The following GALNTL6 variants were observed in gnomAD, a reference collection of about 807,000 sequenced individuals.
GALNTL6 encodes the protein polypeptide N-acetylgalactosaminyltransferase like 6, also known as polypeptide N-acetylgalactosaminyltransferase-like 6.
GALNTL6 carries 46 observed loss-of-function variants against 73.7 expected under a neutral mutation model. The observed-to-expected ratio is 0.62, with a 90% CI of 0.49 to 0.80. The LOEUF is 0.80. Ranked by LOEUF, GALNTL6 falls within the 30% of genes least tolerant of loss-of-function variation. The pLI is 0.00. For synonymous variants in GALNTL6, 259 were observed against 263.7 expected, an observed-to-expected ratio of 0.98 and a Z score of 0.17; for missense variants, 604 against 755.0, an observed-to-expected ratio of 0.80 and a Z score of 2.34.
intron 8 of GALNTL6, among the ~76,000 whole-genome samples, chr4:172,927,679 C>A (rs1748129285): frequency 6.6e-6 from 1 of 152,002 alleles, no homozygotes; most frequent in Non-Finnish European, 1.5e-5. Flanking sequence ...GTTAAAACCC[C>A]AAGTAAAGGT....
At chr4:172,656,793 G>A (rs369011523) in intron 5 of GALNTL6, among the ~76,000 whole-genome samples, 7 of 152,138 alleles carry the variant, frequency 4.6e-5, no homozygotes, top group African/African-American at 9.7e-5. Flanking sequence ...CAGATATTTC[G>A]TCTTTTGAAA....
In GALNTL6 at chr4:172,133,278, A is replaced by G. The variant is rs191392726; in HGVS notation, c.139-96378A>G. On this transcript the variant is annotated intron_variant, in intron 2 of 12. Coordinates refer to ENST00000506823, the MANE Select transcript of GALNTL6 (RefSeq NM_001034845.3). Reference sequence around the variant, plus strand: ...ATAATGAGGTCATGATCCAGGAACTATGAATAGAGAATCCATAGAACTGGT... The same window carrying G: ...ATAATGAGGTCATGATCCAGGAACTGTGAATAGAGAATCCATAGAACTGGT... 2.0e-5 allele frequency among the ~76,000 whole-genome samples: 3 copies of G among 152,332 alleles called. No individual in the cohort carries two copies. The East Asian group carries it at 5.8e-4, about 29-fold the overall frequency.
chr4:172,357,617 A>G (rs952806218), intron 5 of GALNTL6, among the ~76,000 whole-genome samples: 2 of 103,134 alleles, frequency 1.9e-5, no homozygotes, highest in Non-Finnish European at 3.8e-5. Flanking sequence ...GAATATATGT[A>G]TATATATATA....
At chr4:172,539,807 A>T (rs1268178562) in intron 5 of GALNTL6, among the ~76,000 whole-genome samples, 2 of 149,852 alleles carry the variant, frequency 1.3e-5, no homozygotes, top group Admixed American at 1.3e-4. Flanking sequence ...TGCTAACAAT[A>T]TTCCAGACAT....
chr4:172,671,219 G>A (rs1314092980), intron 5 of GALNTL6, among the ~76,000 whole-genome samples: 3 of 152,076 alleles, frequency 2.0e-5, no homozygotes, highest in African/African-American at 7.2e-5. Flanking sequence ...AAATAATATT[G>A]AATCTATAAA....
At chr4:172,593,507 T>G (rs1227405106) in intron 5 of GALNTL6, among the ~76,000 whole-genome samples, 1 of 152,118 alleles carries the variant, frequency 6.6e-6, no homozygotes, top group Non-Finnish European at 1.5e-5. Flanking sequence ...AGAGAGAAAA[T>G]TATTTCTTCA....
intron 5 of GALNTL6, among the ~76,000 whole-genome samples, chr4:172,433,844 T>A (rs1731547751): frequency 6.6e-6 from 1 of 152,160 alleles, no homozygotes; most frequent in African/African-American, 2.4e-5. Context: ...CAAAGTAAAG[T>A]TGGCTTTGAT....
intron 5 of GALNTL6, among the ~76,000 whole-genome samples, chr4:172,727,282 AAAGTC>A (rs1735872846): frequency 6.6e-6 from 1 of 152,194 alleles, no homozygotes; most frequent in Non-Finnish European, 1.5e-5. Flanking sequence ...TCATCTGCAG[AAAGTC>A]ATATACTTTA....
At chr4:172,045,755 A>C (rs1036153819) in intron 2 of GALNTL6, among the ~76,000 whole-genome samples, 2 of 151,082 alleles carry the variant, frequency 1.3e-5, no homozygotes, top group Non-Finnish European at 3.0e-5. Context: ...CACACTGTAC[A>C]ATAGAACTAA....
chr4:171,941,801 T>C (rs1738553189), intron 2 of GALNTL6, among the ~76,000 whole-genome samples: 2 of 152,136 alleles, frequency 1.3e-5, no homozygotes, highest in African/African-American at 4.8e-5. Flanking sequence ...TAAGCAAAAA[T>C]TCACAAAGAG....
intron 3 of GALNTL6, among the ~76,000 whole-genome samples, chr4:172,262,895 A>G (rs1396403696): frequency 6.6e-6 from 1 of 151,584 alleles, no homozygotes; most frequent in Non-Finnish European, 1.5e-5. Context: ...TTTGCTAGAT[A>G]CAAAATTCTT....
At chr4:172,818,105 G>A (rs1378403067) in intron 7 of GALNTL6, among the ~76,000 whole-genome samples, 1 of 152,132 alleles carries the variant, frequency 6.6e-6, no homozygotes, top group Non-Finnish European at 1.5e-5. Flanking sequence ...TTGATGTAAT[G>A]GTTCAATACA....
At chr4:172,411,705 T>G (rs1281215990) in intron 5 of GALNTL6, among the ~76,000 whole-genome samples, 2 of 152,150 alleles carry the variant, frequency 1.3e-5, no homozygotes, top group East Asian at 1.9e-4. Flanking sequence ...GGACAAAATC[T>G]TGGCTTAGCT....
rs1360134335 is a variant in GALNTL6, at chr4:172,194,953, C to A, written c.139-34703C>A. ...TCAAATTTATGCATAATAATATTAA[C>A]CTTAAATGAAAATGCACTAAATACC... On this transcript the variant is annotated intron_variant, in intron 2 of 12. Transcript: ENST00000506823. Among the ~76,000 whole-genome samples, 6 of 152,046 alleles carry A rather than the reference C, an allele frequency of 3.9e-5. No individual in the cohort carries two copies. In the South Asian group the frequency reaches 6.2e-4, roughly 16 times the overall value.
intron 2 of GALNTL6, among the ~76,000 whole-genome samples, chr4:171,844,236 A>T (rs1200217361): frequency 6.6e-6 from 1 of 152,126 alleles, no homozygotes; most frequent in African/African-American, 2.4e-5. Flanking sequence ...TGGAGGATGA[A>T]ACTCAGGGTC....
At chr4:171,902,255 G>A (rs997151767) in intron 2 of GALNTL6, among the ~76,000 whole-genome samples, 19 of 152,262 alleles carry the variant, frequency 1.2e-4, no homozygotes, top group African/African-American at 3.6e-4. Context: ...CCATATTCAG[G>A]AGGTTGTAAA....
chr4:172,284,341 T>C (rs1739174563), intron 3 of GALNTL6, among the ~76,000 whole-genome samples: 1 of 152,194 alleles, frequency 6.6e-6, no homozygotes, highest in Non-Finnish European at 1.5e-5. Context: ...GCATATTGCA[T>C]AGTGGTGAAG....
intron 5 of GALNTL6, among the ~76,000 whole-genome samples, chr4:172,560,690 A>G (rs1249614390): frequency 6.6e-6 from 1 of 152,010 alleles, no homozygotes; most frequent in Non-Finnish European, 1.5e-5. Context: ...GTTCTGTTTC[A>G]TTTTTCTCCA....
chr4:172,785,215 T>C (rs1175984851), intron 5 of GALNTL6, among the ~76,000 whole-genome samples: 1 of 152,070 alleles, frequency 6.6e-6, no homozygotes, highest in Non-Finnish European at 1.5e-5. Context: ...TAGGAAGAGA[T>C]GATTGATTGG....
Sources: gnomAD v4.1 joint callset for allele counts (sites outside exome capture counted in the v4.1 genomes callset) on GRCh38, gnomAD v4.1.1 for gene constraint, MANE v1.5 for transcripts, NCBI Gene and HGNC (gene_info 2026-07-23, HGNC 2026-07-21) for gene names.